Variants in DTNBP1 observed in about 807,000 individuals in gnomAD.
DTNBP1 encodes dystrobrevin binding protein 1.
DTNBP1 carries 35 observed loss-of-function variants against 42.8 expected under a neutral mutation model. That is an observed-to-expected ratio of 0.82 (90% CI 0.63 to 1.09). The LOEUF is 1.09. Ranked by LOEUF, DTNBP1 falls within the 50% of genes least tolerant of loss-of-function variation. DTNBP1 has a pLI of 0.00. For missense variants in DTNBP1, 457 were observed against 424.2 expected, an observed-to-expected ratio of 1.08 and a Z score of -0.68; for synonymous variants, 171 against 162.2, an observed-to-expected ratio of 1.05 and a Z score of -0.41.
At chr6:15,544,559 T>C (rs74711820) in intron 7 of DTNBP1, among the ~76,000 whole-genome samples, 1,866 of 152,334 alleles carry the variant, frequency 0.012, 37 homozygotes, top group African/African-American at 0.041. Context: ...TCTCTGCATC[T>C]TTGCCAGCAT....
chr6:15,532,431 A>G (rs1048779756), intron 8 of DTNBP1, among the ~76,000 whole-genome samples: 5 of 152,226 alleles, frequency 3.3e-5, no homozygotes, highest in Non-Finnish European at 7.3e-5. Flanking sequence ...AAAAAGATGC[A>G]GCCTTTGACA....
intron 7 of DTNBP1, 91 bp downstream of exon 7, chr6:15,592,968 T>TA (rs1776359058): frequency 7.7e-7 from 1 of 1,302,392 alleles, no homozygotes; most frequent in Non-Finnish European, 1.1e-6. Flanking sequence ...AAACTGATTT[T>TA]AAAAAATGAG....
intron 7 of DTNBP1, among the ~76,000 whole-genome samples, chr6:15,570,838 C>G (rs1222716021): frequency 6.6e-6 from 1 of 152,028 alleles, no homozygotes; most frequent in Non-Finnish European, 1.5e-5. Context: ...GGTATGCTAA[C>G]TAGACAACAG....
At chr6:15,586,172 T>A (rs1049200404) in intron 7 of DTNBP1, among the ~76,000 whole-genome samples, 8 of 152,168 alleles carry the variant, frequency 5.3e-5, no homozygotes, top group African/African-American at 1.9e-4. Flanking sequence ...TTGAAAGTAG[T>A]AACATAAAAA....
At chr6:15,634,120 T>C (rs1297245010) in intron 4 of DTNBP1, among the ~76,000 whole-genome samples, 1 of 152,198 alleles carries the variant, frequency 6.6e-6, no homozygotes, top group African/African-American at 2.4e-5. Flanking sequence ...CAGTAACTTA[T>C]AAACTATTAA....
In DTNBP1 at chr6:15,573,960, C is replaced by T. The variant is rs1033693055; in HGVS notation, c.511+19099G>A. On this transcript the variant is annotated intron_variant, in intron 7 of 9. Transcript: ENST00000344537. ...GACCTCGTGATCCACCCACCTCGGC[C>T]TCCCAAAGTGTCGGGATTACAGGTG... 3.4e-4 allele frequency among the ~76,000 whole-genome samples: 51 copies of T among 152,188 alleles called. 1 individual carries two copies. Among genetic ancestry groups the T allele is most frequent in the Admixed American group, 8.5e-4 (13 of 15,284 alleles).
At chr6:15,652,583 A>G (rs1308513777) in intron 1 of DTNBP1, among the ~76,000 whole-genome samples, 1 of 152,016 alleles carries the variant, frequency 6.6e-6, no homozygotes, top group Non-Finnish European at 1.5e-5. Flanking sequence ...AAGACAACAA[A>G]TATTTGAGTG....
At chr6:15,618,169 T>TA (rs745925493) in intron 5 of DTNBP1, among the ~76,000 whole-genome samples, 21 of 151,472 alleles carry the variant, frequency 1.4e-4, no homozygotes, top group South Asian at 1.3e-3. Flanking sequence ...AAATAAAAAT[T>TA]AAAAAAAACC....
chr6:15,646,258 GACACACACAC>G (rs58643392), intron 3 of DTNBP1, among the ~76,000 whole-genome samples: 5 of 148,988 alleles, frequency 3.4e-5, no homozygotes, highest in Non-Finnish European at 6.0e-5. Flanking sequence ...ATTTACAATA[GACACACACAC>G]ACACACACAC....
chr6:15,661,012 G>A (rs910321938), intron 1 of DTNBP1, among the ~76,000 whole-genome samples: 50 of 152,250 alleles, frequency 3.3e-4, no homozygotes, highest in African/African-American at 1.1e-3. Context: ...AAGCACGCAA[G>A]CACACCCATC....
chr6:15,650,372 C>G (rs1168683048), intron 3 of DTNBP1, among the ~76,000 whole-genome samples: 2 of 150,758 alleles, frequency 1.3e-5, no homozygotes, highest in Admixed American at 6.6e-5. Context: ...GAGATCGCAC[C>G]ATTGCACTCC....
intron 6 of DTNBP1, among the ~76,000 whole-genome samples, 184 bp from the exon 7 acceptor site, chr6:15,593,265 A>G (rs1776373540): frequency 6.6e-6 from 1 of 152,244 alleles, no homozygotes; most frequent in Non-Finnish European, 1.5e-5. Context: ...AACTATTTTC[A>G]GTTATTTCTG....
At chr6:15,626,025 G>T (rs535048054) in intron 5 of DTNBP1, among the ~76,000 whole-genome samples, 2 of 152,294 alleles carry the variant, frequency 1.3e-5, no homozygotes, top group South Asian at 4.2e-4. Flanking sequence ...GAAAGGCATG[G>T]CAACAGCCAG....
chr6:15,537,211 G>A (rs765237093), intron 7 of DTNBP1, among the ~76,000 whole-genome samples: 2 of 152,128 alleles, frequency 1.3e-5, no homozygotes, highest in African/African-American at 2.4e-5. Context: ...ACGAGGTCAG[G>A]AGTTCAAGAC....
intron 7 of DTNBP1, among the ~76,000 whole-genome samples, chr6:15,553,594 C>CTTTTTT (rs56173414): frequency 5.5e-5 from 4 of 72,950 alleles, no homozygotes; most frequent in East Asian, 6.6e-4. Context: ...GACAAGTGAG[C>CTTTTTT]TTTTTTTTTT....
At chr6:15,580,980 G>A (rs1775802277) in intron 7 of DTNBP1, among the ~76,000 whole-genome samples, 1 of 152,158 alleles carries the variant, frequency 6.6e-6, no homozygotes, top group Non-Finnish European at 1.5e-5. Context: ...ACCACGAAAA[G>A]AAAAGGTCAA....
At chr6:15,541,766 C>A (rs1290283295) in intron 7 of DTNBP1, among the ~76,000 whole-genome samples, 1 of 151,918 alleles carries the variant, frequency 6.6e-6, no homozygotes, top group Non-Finnish European at 1.5e-5. Flanking sequence ...CTCAATTATA[C>A]GTTTTAATGG....
intron 7 of DTNBP1, chr6:15,585,733 C>T (rs1352692692): frequency 6.5e-7 from 1 of 1,535,162 alleles, no homozygotes; most frequent in South Asian, 1.2e-5. Context: ...ATCCCTCTGA[C>T]TATTTTCGGT....
chr6:15,620,844 T>C (rs1291968554), intron 5 of DTNBP1, among the ~76,000 whole-genome samples: 1 of 152,224 alleles, frequency 6.6e-6, no homozygotes. Flanking sequence ...AGATGCAATG[T>C]GATACCTCGT....
Sources: allele counts gnomAD v4.1 joint callset (sites outside exome capture counted in the v4.1 genomes callset), GRCh38; gene constraint gnomAD v4.1.1; transcripts MANE v1.5; gene names NCBI Gene and HGNC (gene_info 2026-07-23, HGNC 2026-07-21).